Variants in VWA8 observed in about 807,000 individuals in gnomAD.
VWA8 encodes the protein von Willebrand factor A domain containing 8, also known as von Willebrand factor A domain-containing protein 8.
Under a neutral mutation model 241.5 loss-of-function variants are expected in VWA8, and 221 were observed. That is an observed-to-expected ratio of 0.91 (90% CI 0.82 to 1.02). The LOEUF (loss-of-function observed/expected upper bound fraction) is 1.02. Ranked by LOEUF, VWA8 falls within the 50% of genes least tolerant of loss-of-function variation. The pLI is 0.00. For synonymous variants in VWA8, 852 were observed against 827.1 expected, an observed-to-expected ratio of 1.03 and a Z score of -0.52; for missense variants, 2,322 against 2,328.7, an observed-to-expected ratio of 1.00 and a Z score of 0.06.
chr13:41,901,895 T>C (rs201818340), intron 4 of VWA8, among the ~76,000 whole-genome samples: 7 of 75,794 alleles, frequency 9.2e-5, no homozygotes, highest in East Asian at 8.2e-4. Flanking sequence ...AAAAAATATA[T>C]ATATATATAT....
At chr13:41,651,922 C>T (rs2044872001) in intron 37 of VWA8, among the ~76,000 whole-genome samples, 1 of 152,134 alleles carries the variant, frequency 6.6e-6, no homozygotes, top group African/African-American at 2.4e-5. Flanking sequence ...GCAGGTCCTG[C>T]CATCCCACAA....
At chr13:41,916,840 A>G (rs1285564894) in intron 2 of VWA8, among the ~76,000 whole-genome samples, 1 of 152,208 alleles carries the variant, frequency 6.6e-6, no homozygotes, top group Non-Finnish European at 1.5e-5. Context: ...AAAGTGCCAA[A>G]CTGCCATGCA....
intron 21 of VWA8, among the ~76,000 whole-genome samples, chr13:41,760,157 C>T (rs2045729217): frequency 1.3e-5 from 2 of 151,606 alleles, no homozygotes; most frequent in Admixed American, 1.3e-4. Context: ...CTCAAAGATC[C>T]CTAGTAGTTT....
At chr13:41,577,088 C>T (rs765065116) in intron 42 of VWA8, among the ~76,000 whole-genome samples, 8 of 152,198 alleles carry the variant, frequency 5.3e-5, no homozygotes, top group Non-Finnish European at 1.2e-4. Context: ...TGGAAGCAGG[C>T]TTGGGGTCAT....
intron 42 of VWA8, among the ~76,000 whole-genome samples, chr13:41,577,813 C>T (rs573147826): frequency 6.6e-6 from 1 of 152,232 alleles, no homozygotes; most frequent in South Asian, 2.1e-4. Context: ...CTTTTCCCTC[C>T]CTTTTAACTG....
chr13:41,841,688 G>A (rs1351944267), intron 12 of VWA8, among the ~76,000 whole-genome samples: 1 of 147,174 alleles, frequency 6.8e-6, no homozygotes, highest in Non-Finnish European at 1.5e-5. Context: ...CGGGAGGGGA[G>A]GCAGGAGAAT....
At chr13:41,853,972 CAT>C (rs144642459) in intron 12 of VWA8, among the ~76,000 whole-genome samples, 2,360 of 152,246 alleles carry the variant, frequency 0.016, 61 homozygotes, top group African/African-American at 0.054. Flanking sequence ...CCAAGATATA[CAT>C]GTTTTATATT....
At position 41,811,351 on chromosome 13, in the gene VWA8, A is replaced by G; in HGVS notation, c.1948-11T>C. On this transcript the variant is annotated splice_polypyrimidine_tract_variant and intron_variant, in intron 16 of 44. Coordinates refer to ENST00000379310, the MANE Select transcript of VWA8 (RefSeq NM_015058.2). ...CGCTAATGATTGTGCCTATCAAAAG[A>G]CAAATACATTGTGTTAAGAGTCTTG... The G allele has an allele frequency of 6.2e-7, 1 of 1,600,724 alleles. No homozygotes were observed. The highest frequency in any genetic ancestry group is 8.6e-7 in the Non-Finnish European group (1 of 1,169,428).
intron 1 of VWA8, 115 bp downstream of exon 1, chr13:41,960,738 C>T: frequency 7.4e-7 from 1 of 1,355,116 alleles, no homozygotes; most frequent in South Asian, 1.6e-5. Context: ...GCTCCCCGCT[C>T]GGCAAACGGT....
chr13:41,753,441 A>G (rs1353284861), intron 21 of VWA8, among the ~76,000 whole-genome samples: 1 of 152,186 alleles, frequency 6.6e-6, no homozygotes, highest in Non-Finnish European at 1.5e-5. Flanking sequence ...GTGTCCTCTT[A>G]ATGTCAAATT....
At position 41,581,154 on chromosome 13, in the gene VWA8, C is replaced by T. The variant is rs529149864; in HGVS notation, c.5272-5316G>A. Among the ~76,000 whole-genome samples the T allele has an allele frequency of 1.2e-4, 15 of 127,312 alleles. 4 individuals are homozygous for T. In the East Asian group the frequency reaches 2.1e-3, roughly 18 times the overall value. The allele number at this position is 127,312 out of a possible 152,430, so 83.5% of individuals were successfully genotyped here. A position where few individuals can be genotyped will look rare whatever the true frequency, so the allele number is the denominator to read the frequency against. ...TAGCTGGGACTACAGGCGCCCGCCA[C>T]CTCGCCCGGCTAATTTTTTGTATTT... On this transcript the variant is annotated intron_variant, in intron 42 of 44. Coordinates refer to ENST00000379310, the MANE Select transcript of VWA8 (RefSeq NM_015058.2).
chr13:41,637,729 T>C (rs934965828), intron 37 of VWA8, among the ~76,000 whole-genome samples: 2 of 152,198 alleles, frequency 1.3e-5, no homozygotes, highest in African/African-American at 4.8e-5. Flanking sequence ...CTAGAATTTT[T>C]ATTATGTAAA....
At chr13:41,752,613 G>A (rs1448008636) in intron 21 of VWA8, among the ~76,000 whole-genome samples, 1 of 152,168 alleles carries the variant, frequency 6.6e-6, no homozygotes, top group Non-Finnish European at 1.5e-5. Context: ...GCATGACTGG[G>A]CAAAGAGGAG....
rs113199502 is a variant in VWA8, at chr13:41,908,193, C to T, written c.373-497G>A. On this transcript the variant is annotated intron_variant, in intron 3 of 44. Transcript: ENST00000379310. ...AAAAATCCCAATAATCAGCTGGGCGCTGTGGCTCACACCTGTAATCCCAGC... is the reference window on the plus strand; with the variant it reads ...AAAAATCCCAATAATCAGCTGGGCGTTGTGGCTCACACCTGTAATCCCAGC... 6.3e-3 allele frequency among the ~76,000 whole-genome samples: 952 copies of T among 152,290 alleles called. 8 individuals are homozygous for T. The highest frequency in any genetic ancestry group is 0.022 in the African/African-American group (908 of 41,566).
intron 12 of VWA8, among the ~76,000 whole-genome samples, chr13:41,838,776 T>C (rs987309823): frequency 2.0e-5 from 3 of 152,160 alleles, no homozygotes; most frequent in Admixed American, 6.5e-5. Context: ...ATTAGTTTGC[T>C]GAGAATGATG....
intron 40 of VWA8, among the ~76,000 whole-genome samples, chr13:41,603,351 G>A (rs956291928): frequency 8.5e-5 from 13 of 152,100 alleles, no homozygotes; most frequent in African/African-American, 2.9e-4. Context: ...TGAGAAGTCA[G>A]AGCAGTGGAC....
intron 5 of VWA8, among the ~76,000 whole-genome samples, chr13:41,890,343 G>C (rs1874775007): frequency 6.6e-6 from 1 of 152,206 alleles, no homozygotes; most frequent in African/African-American, 2.4e-5. Context: ...TATCTCTACA[G>C]AACAGGTATG....
At chr13:41,724,497 C>T (rs11841626) in intron 24 of VWA8, among the ~76,000 whole-genome samples, 2,187 of 152,102 alleles carry the variant, frequency 0.014, 49 homozygotes, top group African/African-American at 0.048. Flanking sequence ...CTTCAAAAGG[C>T]GGGATCTGGT....
intron 4 of VWA8, among the ~76,000 whole-genome samples, chr13:41,903,907 T>C (rs1473297212): frequency 6.6e-6 from 1 of 152,208 alleles, no homozygotes; most frequent in African/African-American, 2.4e-5. Flanking sequence ...AAACGTCATC[T>C]GAAGCAATAA....
Sources: allele counts gnomAD v4.1 joint callset (sites outside exome capture counted in the v4.1 genomes callset), GRCh38; gene constraint gnomAD v4.1.1; transcripts MANE v1.5; gene names NCBI Gene and HGNC (gene_info 2026-07-23, HGNC 2026-07-21).